LGR4: variants seen among roughly 807,000 people sequenced by gnomAD.
LGR4 encodes the protein leucine-rich repeat-containing G protein-coupled receptor 4.
A neutral mutation model predicts 84.8 loss-of-function variants in LGR4; 44 were observed. The observed-to-expected ratio is 0.52, with a 90% CI of 0.41 to 0.67. The LOEUF is 0.67. Ranked by LOEUF, LGR4 falls within the 30% of genes least tolerant of loss-of-function variation. The pLI is 0.00. For synonymous variants in LGR4, 429 were observed against 434.3 expected (o/e 0.99, Z 0.15); for missense variants, 1,032 against 1,131.4 (o/e 0.91, Z 1.26).
chr11:27,377,518 T>G (rs1373971110), intron 11 of LGR4, among the ~76,000 whole-genome samples: 1 of 151,438 alleles, frequency 6.6e-6, no homozygotes, highest in African/African-American at 2.4e-5. Flanking sequence ...TATATAAAAT[T>G]AAATAGGCAA....
chr11:27,468,390 T>C (rs1471138845), intron 1 of LGR4, among the ~76,000 whole-genome samples: 1 of 152,202 alleles, frequency 6.6e-6, no homozygotes, highest in African/African-American at 2.4e-5. Context: ...ACCAGGGCTA[T>C]TCTACCCTAG....
rs149376833 is a variant in LGR4, at chr11:27,391,022, A to C, written c.401+72T>G. ...AAGGATAAATCTCCTCTTTCCTTAC[A>C]ATTCTAGTTATTTACATCTTTAACA... is the stretch of plus-strand genomic sequence containing the variant. On this transcript the variant is annotated intron_variant, in intron 4 of 17. Coordinates refer to ENST00000379214, the MANE Select transcript of LGR4 (RefSeq NM_018490.5). 8,598 of 865,146 alleles carry C rather than the reference A, an allele frequency of 9.9e-3. 52 individuals carry two copies. Among genetic ancestry groups the C allele is most frequent in the Non-Finnish European group, 0.013 (6,774 of 534,890 alleles). 53.6% of individuals were successfully genotyped at this position (865,146 alleles called of 1,614,324 possible). A position where few individuals can be genotyped will look rare whatever the true frequency, so the allele number is the denominator to read the frequency against.
intron 2 of LGR4, among the ~76,000 whole-genome samples, chr11:27,408,427 A>G (rs1364491466): frequency 2.6e-5 from 4 of 152,154 alleles, no homozygotes; most frequent in African/African-American, 9.7e-5. Flanking sequence ...CAAGTGCCAA[A>G]GCTGGCAATG....
chr11:27,402,883 T>C (rs1052874249), intron 2 of LGR4, among the ~76,000 whole-genome samples: 1 of 152,128 alleles, frequency 6.6e-6, no homozygotes, highest in African/African-American at 2.4e-5. Context: ...GATCTTGACG[T>C]AGAAGCAAAT....
chr11:27,455,174 C>CTT (rs1298776568), intron 1 of LGR4, among the ~76,000 whole-genome samples: 1 of 152,140 alleles, frequency 6.6e-6, no homozygotes, highest in African/African-American at 2.4e-5. Context: ...GTAGCTGAGA[C>CTT]TACAAGTGTG....
intron 1 of LGR4, among the ~76,000 whole-genome samples, chr11:27,462,370 C>G (rs113278395): frequency 1.3e-5 from 2 of 152,310 alleles, no homozygotes; most frequent in African/African-American, 4.8e-5. Context: ...TTCCCTTGAG[C>G]TCCCTCCTCC....
intron 1 of LGR4, among the ~76,000 whole-genome samples, chr11:27,443,258 C>T (rs1864332334): frequency 6.6e-6 from 1 of 152,176 alleles, no homozygotes; most frequent in South Asian, 2.1e-4. Context: ...GAACCATGTG[C>T]CCCTCTCCCA....
intron 1 of LGR4, among the ~76,000 whole-genome samples, chr11:27,465,151 T>C (rs1312921080): frequency 2.0e-5 from 3 of 152,188 alleles, no homozygotes; most frequent in African/African-American, 7.2e-5. Context: ...AAAATATCTA[T>C]GGTTTACATT....
chr11:27,427,776 T>TTAC (rs1864048465), intron 1 of LGR4, among the ~76,000 whole-genome samples: 1 of 152,302 alleles, frequency 6.6e-6, no homozygotes, highest in East Asian at 1.9e-4. Context: ...GCCAATGAAG[T>TTAC]TACTATTCAG....
chr11:27,391,004 A>G, intron 4 of LGR4, 90 bp downstream of exon 4: 1 of 770,830 alleles, frequency 1.3e-6, no homozygotes, highest in Non-Finnish European at 2.1e-6. Flanking sequence ...TGAAAGGATA[A>G]ATCTCCTCTT....
chr11:27,426,586 T>A (rs1413833109), intron 1 of LGR4, among the ~76,000 whole-genome samples: 2 of 152,194 alleles, frequency 1.3e-5, no homozygotes, highest in African/African-American at 4.8e-5. Context: ...TTTCTGCAAG[T>A]GTAAACGGAG....
intron 1 of LGR4, among the ~76,000 whole-genome samples, chr11:27,436,056 C>T (rs1353036513): frequency 6.6e-6 from 1 of 151,784 alleles, no homozygotes; most frequent in South Asian, 2.1e-4. Context: ...GGAGTACAGG[C>T]GCCCACTACC....
chr11:27,368,787 A>C lies in LGR4; in HGVS notation c.1936T>G (p.Ser646Ala). ...CCATTTTTCATTATATCTTTTGCAG[A>C]TAAGCTTCTTTCGACAGTTGCTAGC... ...LMLATVERSL[S>A]AKDIMKNGKS... is the part of the protein sequence containing the mutation. The change falls in exon 18 of 18, where the codon TCT becomes GCT. Residue 646 changes from serine to alanine, a missense_variant. Ser to Ala is a moderately conservative substitution (Grantham distance 99, BLOSUM62 1). Transcript: ENST00000379214. 6.2e-7 allele frequency: 1 copy of C among 1,614,152 alleles called. No homozygotes were observed. The highest frequency in any genetic ancestry group is 8.5e-7 in the Non-Finnish European group (1 of 1,180,016).
rs954268736 is a variant in LGR4, at chr11:27,371,849, ATTG to A, written c.1496-154_1496-152del. ...AGATGCTGGTAGCATAGTGAATGCCATTGTTTTTTTTGGTTTTGGTTTTTTTTA... is the reference window on the plus strand; with the variant it reads ...AGATGCTGGTAGCATAGTGAATGCCATTTTTTTTGGTTTTGGTTTTTTTTA... On this transcript the variant is annotated intron_variant, in intron 16 of 17. Transcript: ENST00000379214. 2.4e-5 allele frequency: 15 copies of A among 622,158 alleles called. No individual in the cohort carries two copies. The African/African-American group carries it at 2.6e-4, about 11-fold the overall frequency. 38.5% of individuals were successfully genotyped at this position (622,158 alleles called of 1,614,324 possible). A position where few individuals can be genotyped will look rare whatever the true frequency, so the allele number is the denominator to read the frequency against.
At chr11:27,442,649 A>C (rs1462465198) in intron 1 of LGR4, among the ~76,000 whole-genome samples, 1 of 152,246 alleles carries the variant, frequency 6.6e-6, no homozygotes, top group East Asian at 1.9e-4. Flanking sequence ...ACCAGACCTG[A>C]GAAGACTCTA....
At chr11:27,442,969 C>T (rs760877950) in intron 1 of LGR4, among the ~76,000 whole-genome samples, 3 of 152,192 alleles carry the variant, frequency 2.0e-5, no homozygotes, top group African/African-American at 4.8e-5. Flanking sequence ...AGGGACTGTA[C>T]TAGACACATA....
At chr11:27,373,931 C>T in intron 14 of LGR4, 44 bp downstream of exon 14, 1 of 1,299,820 alleles carries the variant, frequency 7.7e-7, no homozygotes, top group African/African-American at 1.5e-5. Context: ...TTCTATAGCA[C>T]TAGTTACTAC....
At chr11:27,423,461 CCTT>C (rs149076265) in intron 1 of LGR4, among the ~76,000 whole-genome samples, 6,543 of 152,306 alleles carry the variant, frequency 0.043, 230 homozygotes, top group Middle Eastern at 0.061. Flanking sequence ...CACTCTCTCT[CCTT>C]CTCCCCTCTG....
At chr11:27,453,118 G>A (rs531812686) in intron 1 of LGR4, among the ~76,000 whole-genome samples, 26 of 152,024 alleles carry the variant, frequency 1.7e-4, no homozygotes, top group African/African-American at 6.0e-4. Flanking sequence ...GCCCAGGCTG[G>A]AGTGCAGTGG....
Sources: gnomAD v4.1 joint callset for allele counts (sites outside exome capture counted in the v4.1 genomes callset) on GRCh38, gnomAD v4.1.1 for gene constraint, MANE v1.5 for transcripts, NCBI Gene and HGNC (gene_info 2026-07-23, HGNC 2026-07-21) for gene names.